Variants in RNF4 observed in about 807,000 individuals in gnomAD.
RNF4 encodes E3 ubiquitin-protein ligase RNF4.
RNF4 carries 7 observed loss-of-function variants against 24.3 expected under a neutral mutation model. That is an observed-to-expected ratio of 0.29 (90% CI 0.16 to 0.54). The LOEUF (loss-of-function observed/expected upper bound fraction) is 0.54. RNF4 is among the 20% of genes least tolerant of loss of function. RNF4 has a pLI of 0.95. For missense variants in RNF4, 209 were observed against 248.5 expected, an observed-to-expected ratio of 0.84 and a Z score of 1.07; for synonymous variants, 83 against 84.3, an observed-to-expected ratio of 0.98 and a Z score of 0.09.
chr4:2,496,415 A>T (rs764716034), intron 2 of RNF4, among the ~76,000 whole-genome samples: 3 of 152,178 alleles, frequency 2.0e-5, no homozygotes, highest in Non-Finnish European at 2.9e-5. Context: ...CCAAATCCTG[A>T]CTTGGCCTCA....
At chr4:2,495,190 G>T (rs188277606) in intron 2 of RNF4, among the ~76,000 whole-genome samples, 25 of 152,306 alleles carry the variant, frequency 1.6e-4, no homozygotes, top group Admixed American at 5.9e-4. Context: ...TCCTTAGTCC[G>T]TGGGAAGTTA....
At chr4:2,493,257 G>T (rs1735634714) in intron 2 of RNF4, among the ~76,000 whole-genome samples, 1 of 152,100 alleles carries the variant, frequency 6.6e-6, no homozygotes, top group South Asian at 2.1e-4. Flanking sequence ...GGGAGGGACA[G>T]GCACTCCAGG....
In RNF4 at chr4:2,508,107, A is replaced by G. The variant is rs78680204; in HGVS notation, c.205-3849A>G. On this transcript the variant is annotated intron_variant, in intron 4 of 7. Coordinates refer to ENST00000314289, the MANE Select transcript of RNF4 (RefSeq NM_002938.5). ...GTGATTCATCCCGCCTTGGCCTCCC[A>G]GGGTGCTGGGATTGCAGATATGGGA... Among the ~76,000 whole-genome samples the G allele has an allele frequency of 9.9e-5, 15 of 152,268 alleles. No individual in the cohort carries two copies. The East Asian group carries it at 2.3e-3, about 23-fold the overall frequency.
chr4:2,474,783 A>C (rs1033399194), intron 1 of RNF4, among the ~76,000 whole-genome samples: 7 of 151,992 alleles, frequency 4.6e-5, no homozygotes, highest in African/African-American at 1.7e-4. Context: ...CCAGCACTTT[A>C]GGAGGCCGAG....
chr4:2,476,850 C>T (rs1467170083), intron 1 of RNF4, among the ~76,000 whole-genome samples: 1 of 150,650 alleles, frequency 6.6e-6, no homozygotes, highest in Non-Finnish European at 1.5e-5. Context: ...TGTTCTTTCT[C>T]AACTCACTTC....
chr4:2,484,611 C>T (rs1280448163), intron 1 of RNF4, among the ~76,000 whole-genome samples: 8 of 151,430 alleles, frequency 5.3e-5, no homozygotes, highest in Non-Finnish European at 1.0e-4. Context: ...ATGTCACACT[C>T]CTGCTAGAGT....
At chr4:2,470,626 T>C (rs1560396643) in intron 1 of RNF4, among the ~76,000 whole-genome samples, 1 of 152,230 alleles carries the variant, frequency 6.6e-6, no homozygotes. Flanking sequence ...TTTTATATAA[T>C]GTATGCACAT....
At chr4:2,483,292 G>C (rs530143481) in intron 1 of RNF4, among the ~76,000 whole-genome samples, 2 of 152,300 alleles carry the variant, frequency 1.3e-5, no homozygotes, top group African/African-American at 4.8e-5. Context: ...GCGGTCACTG[G>C]TTCCACAGAG....
At chr4:2,497,292 G>A in intron 3 of RNF4, 171 bp downstream of exon 3, 1 of 528,826 alleles carries the variant, frequency 1.9e-6, no homozygotes. Flanking sequence ...TCTCAACTGG[G>A]CTAACTGTTC....
In RNF4 at chr4:2,495,642, G is replaced by GA. The variant is rs1553878670; in HGVS notation, c.10-1365_10-1364insA. Among the ~76,000 whole-genome samples the GA allele has an allele frequency of 1.5e-3, 218 of 148,708 alleles. 1 individual carries two copies. The highest frequency in any genetic ancestry group is 2.2e-3 in the Non-Finnish European group (147 of 67,062). On this transcript the variant is annotated intron_variant, in intron 2 of 7. Transcript: ENST00000314289. ...TGTTGGGAAGCTCTTTTTTTTTTGG[G>GA]GGGGGGTGAGATGGAGATTTACTCT... is the stretch of plus-strand genomic sequence containing the variant.
At chr4:2,492,262 C>G (rs1578511382) in intron 2 of RNF4, among the ~76,000 whole-genome samples, 1 of 152,108 alleles carries the variant, frequency 6.6e-6, no homozygotes, top group Admixed American at 6.5e-5. Context: ...CCAGGCTGAT[C>G]TTGAACTCCT....
At chr4:2,485,423 C>A (rs775002036) in intron 1 of RNF4, among the ~76,000 whole-genome samples, 22 of 152,182 alleles carry the variant, frequency 1.4e-4, no homozygotes, top group Non-Finnish European at 2.9e-4. Flanking sequence ...ATCTCTACGT[C>A]CATCCGAGTT....
chr4:2,487,927 C>T (rs1260151285), intron 1 of RNF4, among the ~76,000 whole-genome samples: 1 of 152,180 alleles, frequency 6.6e-6, no homozygotes, highest in Non-Finnish European at 1.5e-5. Context: ...GAAGAAAATG[C>T]TCAGCTCAGC....
rs527663770 is a variant in RNF4 at position 2,474,151 on chromosome 4, G to A, written c.-158+4893G>A. ...AGCACTTTGGGAGGCCAAGGCAGGC[G>A]GATCACGAGGTCAGGAGATTGAAAC... On this transcript the variant is annotated intron_variant, in intron 1 of 7. Transcript: ENST00000314289. 9.9e-5 allele frequency among the ~76,000 whole-genome samples: 15 copies of A among 152,088 alleles called. No individual in the cohort carries two copies. The South Asian group carries it at 1.7e-3, about 17-fold the overall frequency.
intron 1 of RNF4, among the ~76,000 whole-genome samples, chr4:2,482,573 A>G (rs1236986238): frequency 6.6e-6 from 1 of 152,240 alleles, no homozygotes; most frequent in East Asian, 1.9e-4. Flanking sequence ...AGCCTAGGCC[A>G]TCTTGGCTGA....
In RNF4 at chr4:2,469,116, G is replaced by A. The variant is rs1178776085; in HGVS notation, c.-300G>A. ...AGCCGAGGCCTCCGAAGCGGAAGTGGGTTGCTGTTGAGGCGGCGGCATCTT... is the reference window on the plus strand; with the variant it reads ...AGCCGAGGCCTCCGAAGCGGAAGTGAGTTGCTGTTGAGGCGGCGGCATCTT... On this transcript the variant is annotated 5_prime_UTR_variant, in exon 1 of 8. Transcript: ENST00000314289. The A allele has an allele frequency of 6.6e-6, 1 of 152,252 alleles. No homozygotes were observed. Among genetic ancestry groups the A allele is most frequent in the Non-Finnish European group, 1.5e-5 (1 of 68,060 alleles). The allele number at this position is 152,252 out of a possible 1,614,324, so 9.4% of individuals were successfully genotyped here. A position where few individuals can be genotyped will look rare whatever the true frequency, so the allele number is the denominator to read the frequency against.
Position 2,512,050 on chromosome 4 carries a change from C to A in RNF4, c.214+85C>A. ...CCGCGGTGCTGCAGGTCTTGCCAGA[C>A]CATCCCCAAGGGCTTGGAGCGCTCC... On this transcript the variant is annotated intron_variant, in intron 5 of 7. Coordinates refer to ENST00000314289, the MANE Select transcript of RNF4 (RefSeq NM_002938.5). This position sits in a 1 kb window ranked among gnomAD's most constrained non-coding sequence, Gnocchi z 4.1. 2 of 1,356,222 alleles carry A rather than the reference C, an allele frequency of 1.5e-6. No individual in the cohort carries two copies. Among genetic ancestry groups the A allele is most frequent in the South Asian group, 1.3e-5 (1 of 79,550 alleles). The allele number at this position is 1,356,222 out of a possible 1,614,324, so 84.0% of individuals were successfully genotyped here. A position where few individuals can be genotyped will look rare whatever the true frequency, so the allele number is the denominator to read the frequency against.
chr4:2,491,574 C>A (rs1735580238), intron 2 of RNF4, among the ~76,000 whole-genome samples: 1 of 152,110 alleles, frequency 6.6e-6, no homozygotes, highest in Non-Finnish European at 1.5e-5. Flanking sequence ...TCCGGAGTAG[C>A]TTGGATTACA....
intron 1 of RNF4, among the ~76,000 whole-genome samples, chr4:2,472,834 A>G (rs1473125874): frequency 6.6e-6 from 1 of 150,750 alleles, no homozygotes; most frequent in Non-Finnish European, 1.5e-5. Context: ...AGGTCAGGAG[A>G]TCGAGACCAT....
Sources: gnomAD v4.1 joint callset for allele counts (sites outside exome capture counted in the v4.1 genomes callset) on GRCh38, gnomAD v4.1.1 for gene constraint, Gnocchi (gnomAD v3.1) non-coding constraint, MANE v1.5 for transcripts, NCBI Gene and HGNC (gene_info 2026-07-23, HGNC 2026-07-21) for gene names.